KRT78: variants seen among roughly 807,000 people sequenced by gnomAD.
KRT78 encodes keratin, type II cytoskeletal 78.
A neutral mutation model predicts 51.4 loss-of-function variants in KRT78; 55 were observed. The observed-to-expected ratio is 1.07, with a 90% CI of 0.86 to 1.34. The LOEUF (loss-of-function observed/expected upper bound fraction) is 1.34. Among genes scored for constraint, KRT78 ranks in the 40% most tolerant of loss-of-function variants. The pLI is 0.00. For synonymous variants in KRT78, 291 were observed against 264.3 expected, an observed-to-expected ratio of 1.10 and a Z score of -0.98; for missense variants, 652 against 649.4, an observed-to-expected ratio of 1.00 and a Z score of -0.04.
chr12:52,847,901 G>T lies in KRT78; in HGVS notation c.599+6C>A. ...ACATGGCATGGGGAAATTTCAGTGT[G>T]CCTACTTGGACTTATACTCCTCCTC... On this transcript the variant is annotated splice_donor_region_variant and intron_variant, in intron 2 of 8. Transcript: ENST00000304620. 1 of 1,613,242 alleles carries T rather than the reference G, an allele frequency of 6.2e-7. No individual in the cohort carries two copies. Among genetic ancestry groups the T allele is most frequent in the African/African-American group, 1.3e-5 (1 of 75,022 alleles).
intron 6 of KRT78, 82 bp from the exon 7 acceptor site, chr12:52,840,066 G>T: frequency 1.0e-6 from 1 of 965,018 alleles, no homozygotes; most frequent in Non-Finnish European, 1.6e-6. Flanking sequence ...GATATCACTT[G>T]AAGGCTGGGG....
Position 52,848,769 on chromosome 12 carries a change from A to G in KRT78, c.162T>C (p.Ser54=). Residue 54 remains serine (S), a synonymous_variant, in exon 1 of 9, where the codon AGT becomes AGC. Coordinates refer to ENST00000304620, the MANE Select transcript of KRT78 (RefSeq NM_173352.4). ...CCAGCCTACCCCCTGACCCCCAGGT[A>G]CTCCCACGAGAGCCTTCCAGGCACC... ...FGGCLEGSRG[S]TWGSGGRLGV... is the part of the protein sequence containing the mutation. 1 of 1,539,776 alleles carries G rather than the reference A, an allele frequency of 6.5e-7. No homozygotes were observed. Among genetic ancestry groups the G allele is most frequent in the Admixed American group, 1.8e-5 (1 of 57,108 alleles).
At chr12:52,842,959 G>GAGGAAGGAAGGAAGGA (rs1191289534) in intron 6 of KRT78, among the ~76,000 whole-genome samples, 5 of 53,758 alleles carry the variant, frequency 9.3e-5, no homozygotes, top group Non-Finnish European at 1.3e-4. Flanking sequence ...GAGAGAGAGA[G>GAGGAAGGAAGGAAGGA]AGGAAGGAAG....
In KRT78 at chr12:52,848,852, T is replaced by G. The variant is rs960776257; in HGVS notation, c.79A>C (p.Arg27=). 6.2e-7 allele frequency: 1 copy of G among 1,612,588 alleles called. No homozygotes were observed. ...ACSARSRGRS[R]GGFSSRGGFS... ...CCGCCCCTGCTGCTGAAGCCTCCCC[T>G]GCTGCGGCCCCTTGAGCGAGCAGAA... Residue 27 remains arginine (R), a synonymous_variant, in exon 1 of 9, where the codon AGG becomes CGG. Coordinates refer to ENST00000304620, the MANE Select transcript of KRT78 (RefSeq NM_173352.4).
chr12:52,848,485 C>T, intron 1 of KRT78, 62 bp downstream of exon 1: 1 of 1,580,190 alleles, frequency 6.3e-7, no homozygotes, highest in Admixed American at 1.9e-5. Context: ...TTTCCAAGTC[C>T]ATCAAGAGCA....
At chr12:52,846,383 C>A (rs1350419175) in intron 3 of KRT78, 91 bp from the exon 4 acceptor site, 10 of 808,124 alleles carry the variant, frequency 1.2e-5, no homozygotes, top group Admixed American at 1.8e-5. Context: ...CACTGCTCAA[C>A]ACCCATCCAC....
In KRT78 at chr12:52,841,890, C is replaced by T. The variant is rs180947830; in HGVS notation, c.1048-1906G>A. Among the ~76,000 whole-genome samples the T allele has an allele frequency of 8.5e-5, 13 of 152,298 alleles. No individual in the cohort carries two copies. The East Asian group carries it at 1.5e-3, about 18-fold the overall frequency. On this transcript the variant is annotated intron_variant, in intron 6 of 8. Transcript: ENST00000304620. Reference sequence around the variant, plus strand: ...TACCCAGTACACATACACACTCCTGCGTGCTGCCACTGGACTCTCAAGACC... The same window carrying T: ...TACCCAGTACACATACACACTCCTGTGTGCTGCCACTGGACTCTCAAGACC...
In KRT78 at chr12:52,838,767, G is replaced by A; in HGVS notation, c.*346C>T. 1 of 309,404 alleles carries A rather than the reference G, an allele frequency of 3.2e-6. No homozygotes were observed. 19.2% of individuals were successfully genotyped at this position (309,404 alleles called of 1,614,324 possible). On this transcript the variant is annotated 3_prime_UTR_variant, in exon 9 of 9. Transcript: ENST00000304620. ...CTAAAACATCAGTGGAGTTGTGGGA[G>A]ATGGAGGGCACCCCAAGGAACACAC...
In KRT78 at chr12:52,838,703, A is replaced by C. The variant is rs1454329293; in HGVS notation, c.*410T>G. 2.8e-5 allele frequency: 6 copies of C among 214,818 alleles called. No homozygotes were observed. Among genetic ancestry groups the C allele is most frequent in the Non-Finnish European group, 5.6e-5 (6 of 107,092 alleles). The allele number at this position is 214,818 out of a possible 1,614,324, so 13.3% of individuals were successfully genotyped here. ...GCCCCAGTCAGGACTAGAACCTCTT[A>C]AAACAGGCAGTTGATGAGGAAGTGA... On this transcript the variant is annotated 3_prime_UTR_variant, in exon 9 of 9. Transcript: ENST00000304620.
intron 6 of KRT78, among the ~76,000 whole-genome samples, chr12:52,842,044 C>G (rs1940511777): frequency 6.6e-6 from 1 of 152,226 alleles, no homozygotes; most frequent in Non-Finnish European, 1.5e-5. Context: ...CCCCAGAGGA[C>G]TCCAAAGCAA....
At chr12:52,847,856 A>G (rs770089198) in intron 2 of KRT78, 51 bp downstream of exon 2, 1 of 1,546,224 alleles carries the variant, frequency 6.5e-7, no homozygotes, top group Non-Finnish European at 8.9e-7. Flanking sequence ...ACCCAAACTG[A>G]GTCATCCCAG....
chr12:52,845,819 T>C lies in KRT78; in HGVS notation c.756+378A>G, dbSNP rs188969602. On this transcript the variant is annotated intron_variant, in intron 4 of 8. Transcript: ENST00000304620. Reference sequence around the variant, plus strand: ...AAATACAAAAATTAGCTGACCGCAGTGGCGGGTGCCTGTAATCCCACCTAC... The same window carrying C: ...AAATACAAAAATTAGCTGACCGCAGCGGCGGGTGCCTGTAATCCCACCTAC... Among the ~76,000 whole-genome samples the C allele has an allele frequency of 3.4e-3, 514 of 152,146 alleles. 4 individuals carry two copies. Among genetic ancestry groups the C allele is most frequent in the African/African-American group, 0.012 (483 of 41,526 alleles).
intron 2 of KRT78, 108 bp from the exon 3 acceptor site, chr12:52,846,932 C>G (rs1940658236): frequency 1.3e-6 from 1 of 775,898 alleles, no homozygotes; most frequent in South Asian, 1.5e-5. Context: ...TTAGAATGCC[C>G]CCAAACAAGA....
Position 52,846,783 on chromosome 12 carries a change from T to C in KRT78, c.641A>G (p.Asp214Gly). ...EAHRRATLEN[D>G]FVVLKKDVDG... Reference sequence around the variant, plus strand: ...CCTCACCTTCTTGAGGACCACAAAGTCGTTCTCAAGTGTGGCACGCCTGTG... The same window carrying C: ...CCTCACCTTCTTGAGGACCACAAAGCCGTTCTCAAGTGTGGCACGCCTGTG... The change falls in exon 3 of 9, where the codon GAC becomes GGC. Residue 214 changes from aspartate (D) to glycine (G), a missense_variant. By Grantham distance (94) the Asp-to-Gly change is moderately conservative. Transcript: ENST00000304620. 3 of 1,613,850 alleles carry C rather than the reference T, an allele frequency of 1.9e-6. No individual in the cohort carries two copies. The highest frequency in any genetic ancestry group is 2.5e-6 in the Non-Finnish European group (3 of 1,179,942).
intron 2 of KRT78, among the ~76,000 whole-genome samples, chr12:52,847,072 C>T (rs1367174723): frequency 3.3e-5 from 5 of 152,170 alleles, no homozygotes; most frequent in Non-Finnish European, 7.4e-5. Flanking sequence ...AATACCTTTT[C>T]CCACTTGCTA....
In KRT78 at chr12:52,846,734, C is replaced by T. The variant is rs76736244; in HGVS notation, c.660+30G>A. 7.3e-4 allele frequency: 1,176 copies of T among 1,601,762 alleles called. 2 individuals carry two copies. The African/African-American group carries it at 0.014, about 19-fold the overall frequency. On this transcript the variant is annotated intron_variant, in intron 3 of 8. Coordinates refer to ENST00000304620, the MANE Select transcript of KRT78 (RefSeq NM_173352.4). The stretch of plus-strand genomic sequence containing the variant: ...CTCCGTGCACAGTGGATGCTCAGAA[C>T]GTAAGTGGAGCACTGGCCCCCACCC...
intron 6 of KRT78, among the ~76,000 whole-genome samples, chr12:52,841,743 G>A (rs921490307): frequency 6.6e-6 from 1 of 152,180 alleles, no homozygotes; most frequent in African/African-American, 2.4e-5. Context: ...GGCCTGCACA[G>A]GGGAGCCCAG....
rs1314054339 is a variant in KRT78 at position 52,846,827 on chromosome 12, G to C, written c.600-3C>G. The C allele has an allele frequency of 8.1e-6, 13 of 1,612,198 alleles. No individual in the cohort carries two copies. Among genetic ancestry groups the C allele is most frequent in the Non-Finnish European group, 1.0e-5 (12 of 1,178,664 alleles). On this transcript the variant is annotated splice_region_variant and splice_polypyrimidine_tract_variant and intron_variant, in intron 2 of 8. Coordinates refer to ENST00000304620, the MANE Select transcript of KRT78 (RefSeq NM_173352.4). ...GCCTGTGGGCCTCCTCCTCATACCT[G>C]CCAAATAAGTAGAGAAGGATGCAGT...
chr12:52,839,626 T>C, intron 7 of KRT78, 138 bp downstream of exon 7: 1 of 1,272,222 alleles, frequency 7.9e-7, no homozygotes, highest in Non-Finnish European at 1.1e-6. Flanking sequence ...AAAATCCCTC[T>C]CTGCAGCGTC....
Sources: allele counts gnomAD v4.1 joint callset (sites outside exome capture counted in the v4.1 genomes callset), GRCh38; gene constraint gnomAD v4.1.1; transcripts MANE v1.5; gene names NCBI Gene and HGNC (gene_info 2026-07-23, HGNC 2026-07-21).